The following TWIST2 variants were observed in gnomAD, a reference collection of about 807,000 sequenced individuals.
TWIST2 encodes the protein twist-related protein 2.
A neutral mutation model predicts 11.6 loss-of-function variants in TWIST2; 1 was observed. That is an observed-to-expected ratio of 0.09 (90% CI 0.03 to 0.41). The LOEUF is 0.41. Ranked by LOEUF, TWIST2 falls within the 10% of genes least tolerant of loss-of-function variation. The pLI is 0.98. For missense variants in TWIST2, 168 were observed against 226.4 expected (o/e 0.74, Z 1.66); for synonymous variants, 87 against 96.6 (o/e 0.90, Z 0.58).
At chr2:238,905,964 CGTGTGTGT>C (rs1221851359) in intron 1 of TWIST2, among the ~76,000 whole-genome samples, 1,291 of 115,426 alleles carry the variant, frequency 0.011, 10 homozygotes, top group African/African-American at 0.045. Flanking sequence ...TGTACGTGTG[CGTGTGTGT>C]GCGCGCGCGT....
Position 238,866,232 on chromosome 2 carries a change from T to C in TWIST2, c.*35+17499T>C, listed in dbSNP as rs1692530561. On this transcript the variant is annotated intron_variant, in intron 1 of 1. Transcript: ENST00000612363. The surrounding 1 kb of genome is among the most constrained non-coding windows in gnomAD (Gnocchi z 4.9). ...TCTTCTGTGAGCTGCCTCTGAGCCC[T>C]GGGCACCCTCCATGGCGAGCTCCCC... Among the ~76,000 whole-genome samples the C allele has an allele frequency of 6.6e-6, 1 of 152,210 alleles. No individual in the cohort carries two copies. The highest frequency in any genetic ancestry group is 1.5e-5 in the Non-Finnish European group (1 of 68,028).
At chr2:238,851,266 C>T (rs1289162808) in intron 1 of TWIST2, among the ~76,000 whole-genome samples, 1 of 152,140 alleles carries the variant, frequency 6.6e-6, no homozygotes, top group African/African-American at 2.4e-5. Context: ...CGGGTGCTGC[C>T]GATATCTATC....
At chr2:238,899,385 C>CT (rs1297291743) in intron 1 of TWIST2, among the ~76,000 whole-genome samples, 2 of 152,258 alleles carry the variant, frequency 1.3e-5, no homozygotes, top group Non-Finnish European at 2.9e-5. Flanking sequence ...CAAGGCCAAG[C>CT]CTTTCTGGTG....
At chr2:238,861,455 C>T (rs1002675357) in intron 1 of TWIST2, among the ~76,000 whole-genome samples, 1 of 152,142 alleles carries the variant, frequency 6.6e-6, no homozygotes, top group Non-Finnish European at 1.5e-5. Flanking sequence ...CTAGAAAGGG[C>T]ACCTCCATCA....
At chr2:238,851,332 G>A (rs917444467) in intron 1 of TWIST2, among the ~76,000 whole-genome samples, 1 of 152,200 alleles carries the variant, frequency 6.6e-6, no homozygotes, top group Non-Finnish European at 1.5e-5. Flanking sequence ...TAAATCAGGT[G>A]TCTTTGTCCA....
intron 1 of TWIST2, among the ~76,000 whole-genome samples, chr2:238,876,579 C>G (rs1011941656): frequency 6.6e-6 from 1 of 152,194 alleles, no homozygotes; most frequent in African/African-American, 2.4e-5. Flanking sequence ...CTACCAAAAC[C>G]TGTCAGGGAT....
intron 1 of TWIST2, chr2:238,886,832 G>A (rs935796764): frequency 1.3e-5 from 2 of 152,174 alleles, no homozygotes; most frequent in Admixed American, 1.3e-4. Flanking sequence ...CAAACAGAGC[G>A]AAGAGGAAGA....
intron 1 of TWIST2, among the ~76,000 whole-genome samples, chr2:238,879,480 C>T (rs2106363648): frequency 6.6e-6 from 1 of 152,226 alleles, no homozygotes; most frequent in Non-Finnish European, 1.5e-5. Context: ...CCGGGACTAC[C>T]TGGCCACTAG....
intron 1 of TWIST2, among the ~76,000 whole-genome samples, chr2:238,861,460 C>T (rs1559269739): frequency 6.6e-6 from 1 of 152,250 alleles, no homozygotes; most frequent in East Asian, 1.9e-4. Flanking sequence ...AAGGGCACCT[C>T]CATCACTGAT....
chr2:238,871,670 AC>A (rs377577114), intron 1 of TWIST2, among the ~76,000 whole-genome samples: 53,716 of 82,660 alleles, frequency 0.65, 16,224 homozygotes, highest in East Asian at 0.96. Context: ...ACACACCATC[AC>A]CCCCCCCCAA....
At chr2:238,907,632 TG>T (rs1300683820) in intron 1 of TWIST2, among the ~76,000 whole-genome samples, 2 of 151,828 alleles carry the variant, frequency 1.3e-5, no homozygotes, top group African/African-American at 4.8e-5. Flanking sequence ...TTGATCATAG[TG>T]GGGGGTGCAA....
chr2:238,904,813 A>T (rs1693321726), intron 1 of TWIST2, among the ~76,000 whole-genome samples: 1 of 152,034 alleles, frequency 6.6e-6, no homozygotes, highest in African/African-American at 2.4e-5. Context: ...AGGGGGAAGG[A>T]AGCGGAAGGA....
intron 1 of TWIST2, among the ~76,000 whole-genome samples, chr2:238,850,196 A>G (rs1692220220): frequency 6.6e-6 from 1 of 152,218 alleles, no homozygotes. Flanking sequence ...TAGTTTTTAA[A>G]AAATAATTTT....
In TWIST2 at chr2:238,867,000, TG is replaced by T. The variant is rs1447752259; in HGVS notation, c.*35+18268del. ...GTACACCAAGAAACTACACTGTGTC[TG>T]ATGCAAACGCATGTTTTCTGTGCAT... On this transcript the variant is annotated intron_variant, in intron 1 of 1. Transcript: ENST00000612363. This position sits in a 1 kb window ranked among gnomAD's most constrained non-coding sequence, Gnocchi z 4.9. Among the ~76,000 whole-genome samples the T allele has an allele frequency of 1.3e-5, 2 of 152,164 alleles. No individual in the cohort carries two copies. The highest frequency in any genetic ancestry group is 1.9e-4 in the East Asian group (1 of 5,188).
chr2:238,881,394 TTTA>T (rs1381945881), intron 1 of TWIST2, among the ~76,000 whole-genome samples: 3 of 151,468 alleles, frequency 2.0e-5, no homozygotes, highest in African/African-American at 7.3e-5. Context: ...TTAGTTACTA[TTTA>T]TTAGTGTCAG....
chr2:238,854,688 A>C (rs1454570180), intron 1 of TWIST2, among the ~76,000 whole-genome samples: 1 of 152,176 alleles, frequency 6.6e-6, no homozygotes, highest in East Asian at 1.9e-4. Flanking sequence ...TTTCTGTTAA[A>C]TCTCTGTAAG....
intron 1 of TWIST2, among the ~76,000 whole-genome samples, chr2:238,865,690 CTT>C (rs376708742): frequency 1.1e-3 from 155 of 146,920 alleles, no homozygotes; most frequent in East Asian, 4.8e-3. Context: ...TCTTTTGGAA[CTT>C]TTTTTTTTTT....
chr2:238,852,343 A>G (rs1410251950), intron 1 of TWIST2, among the ~76,000 whole-genome samples: 2 of 152,212 alleles, frequency 1.3e-5, no homozygotes, highest in African/African-American at 4.8e-5. Context: ...CTGTGAATGC[A>G]TGCTGGAATG....
intron 1 of TWIST2, among the ~76,000 whole-genome samples, chr2:238,884,973 G>A (rs545458119): frequency 9.2e-5 from 14 of 152,336 alleles, no homozygotes; most frequent in East Asian, 5.8e-4. Flanking sequence ...TCAGTGGAGC[G>A]TCCCCCCATG....
Sources: allele counts gnomAD v4.1 joint callset (sites outside exome capture counted in the v4.1 genomes callset), GRCh38; gene constraint gnomAD v4.1.1; non-coding constraint Gnocchi (gnomAD v3.1); transcripts MANE v1.5; gene names NCBI Gene and HGNC (gene_info 2026-07-23, HGNC 2026-07-21).